Variants in VWC2 observed in about 807,000 individuals in gnomAD.
VWC2 encodes the protein von Willebrand factor C domain containing 2.
VWC2 carries 14 observed loss-of-function variants against 29.8 expected under a neutral mutation model. The ratio of observed to expected loss-of-function variants is 0.47; its 90% confidence interval spans 0.31 to 0.74. VWC2 has a LOEUF of 0.74. Among genes scored for constraint, VWC2 ranks in the 30% least tolerant of loss-of-function variants. VWC2 has a pLI of 0.05. For synonymous variants in VWC2, 213 were observed against 199.0 expected (o/e 1.07, Z -0.59); for missense variants, 457 against 459.8 (o/e 0.99, Z 0.05).
intron 3 of VWC2, among the ~76,000 whole-genome samples, chr7:49,820,269 C>T (rs1012044660): frequency 6.6e-6 from 1 of 152,080 alleles, no homozygotes; most frequent in Non-Finnish European, 1.5e-5. Context: ...GGCAACTTCT[C>T]CACACTCCAG....
chr7:49,917,635 C>T lies in VWC2; in HGVS notation c.*5450C>T, dbSNP rs572463035. On this transcript the variant is annotated 3_prime_UTR_variant, in exon 4 of 4. Coordinates refer to ENST00000340652, the MANE Select transcript of VWC2 (RefSeq NM_198570.5). The stretch of plus-strand genomic sequence containing the variant: ...CTAAACACAATTGCAAATATTGCGA[C>T]TTTAGTTTTTAATTCAATTTTCAGC... The T allele has an allele frequency of 6.6e-6, 1 of 152,144 alleles. No homozygotes were observed. Among genetic ancestry groups the T allele is most frequent in the African/African-American group, 2.4e-5 (1 of 41,528 alleles). 9.4% of individuals were successfully genotyped at this position (152,144 alleles called of 1,614,324 possible).
chr7:49,799,666 T>C (rs1788689682), intron 2 of VWC2, among the ~76,000 whole-genome samples: 1 of 152,234 alleles, frequency 6.6e-6, no homozygotes, highest in African/African-American at 2.4e-5. Context: ...AATACAATCA[T>C]GCATCACTAA....
chr7:49,816,265 G>A (rs952598356), intron 3 of VWC2, among the ~76,000 whole-genome samples: 1 of 152,206 alleles, frequency 6.6e-6, no homozygotes, highest in Non-Finnish European at 1.5e-5. Context: ...AGGGATTATA[G>A]GATGGAAATG....
intron 3 of VWC2, among the ~76,000 whole-genome samples, chr7:49,822,597 C>T (rs1583651387): frequency 6.6e-6 from 1 of 152,148 alleles, no homozygotes; most frequent in East Asian, 1.9e-4. Flanking sequence ...CACCACCACA[C>T]CCAGCTAGTT....
intron 3 of VWC2, among the ~76,000 whole-genome samples, chr7:49,829,547 AG>A (rs993987904): frequency 6.6e-5 from 10 of 152,208 alleles, no homozygotes; most frequent in African/African-American, 9.7e-5. Flanking sequence ...CTCATGGGAA[AG>A]GGCTGATGTT....
intron 3 of VWC2, among the ~76,000 whole-genome samples, chr7:49,805,419 A>T (rs569137694): frequency 8.2e-4 from 125 of 152,344 alleles, no homozygotes; most frequent in African/African-American, 2.2e-3. Flanking sequence ...TATTTTGGGG[A>T]GTATAACTGG....
intron 3 of VWC2, among the ~76,000 whole-genome samples, chr7:49,853,225 G>A (rs1462233776): frequency 1.3e-5 from 2 of 152,372 alleles, no homozygotes; most frequent in Non-Finnish European, 1.5e-5. Flanking sequence ...TCTTGCTGCC[G>A]TGTGGAGTGG....
chr7:49,774,340 G>A (rs571315073), intron 1 of VWC2, among the ~76,000 whole-genome samples: 3 of 152,222 alleles, frequency 2.0e-5, no homozygotes, highest in African/African-American at 7.2e-5. Context: ...GGAGGGCTGA[G>A]GGGGAGGGGA....
chr7:49,832,015 C>T (rs974274241), intron 3 of VWC2, among the ~76,000 whole-genome samples: 1 of 152,160 alleles, frequency 6.6e-6, no homozygotes, highest in Non-Finnish European at 1.5e-5. Flanking sequence ...GGAGGGGCAT[C>T]GGCTGCTCAG....
At chr7:49,854,075 T>C (rs1170378178) in intron 3 of VWC2, among the ~76,000 whole-genome samples, 1 of 152,092 alleles carries the variant, frequency 6.6e-6, no homozygotes, top group Non-Finnish European at 1.5e-5. Context: ...TAGTATTCCA[T>C]GGTGTATATG....
intron 2 of VWC2, among the ~76,000 whole-genome samples, chr7:49,782,881 G>A (rs572142138): frequency 1.1e-3 from 163 of 152,030 alleles, no homozygotes; most frequent in African/African-American, 3.8e-3. Context: ...AGAAAAAAAA[G>A]TGGATAGTAT....
Position 49,802,703 on chromosome 7 carries a change from T to C in VWC2, c.697-8T>C. 6.2e-7 allele frequency: 1 copy of C among 1,614,182 alleles called. No homozygotes were observed. The highest frequency in any genetic ancestry group is 8.5e-7 in the Non-Finnish European group (1 of 1,180,020). ...GGCTAAAGTGCTGATTGTGGGCTTG[T>C]GTTTCAGGTGTCTCCATGCGAGAGG... On this transcript the variant is annotated splice_polypyrimidine_tract_variant and splice_region_variant and intron_variant, in intron 2 of 3. Transcript: ENST00000340652.
At position 49,913,150 on chromosome 7, in the gene VWC2, TCTATC is replaced by T. The variant is rs1299084010; in HGVS notation, c.*968_*972del. 6.6e-6 allele frequency: 1 copy of T among 152,194 alleles called. No homozygotes were observed. The highest frequency in any genetic ancestry group is 1.5e-5 in the Non-Finnish European group (1 of 68,030). The allele number at this position is 152,194 out of a possible 1,614,324, so 9.4% of individuals were successfully genotyped here. Reference sequence around the variant, plus strand: ...CATATTTGTCATCAGACTTGAGTCATCTATCCTCCATAAACTACACAGTAAAATCT... The same window carrying T: ...CATATTTGTCATCAGACTTGAGTCATCTCCATAAACTACACAGTAAAATCT... On this transcript the variant is annotated 3_prime_UTR_variant, in exon 4 of 4. Transcript: ENST00000340652.
At chr7:49,882,598 G>A (rs1791716274) in intron 3 of VWC2, among the ~76,000 whole-genome samples, 1 of 152,006 alleles carries the variant, frequency 6.6e-6, no homozygotes, top group African/African-American at 2.4e-5. Context: ...GAGAGACAGA[G>A]ATAGTGAGTA....
intron 3 of VWC2, among the ~76,000 whole-genome samples, chr7:49,876,188 G>C (rs906140941): frequency 6.6e-6 from 1 of 152,152 alleles, no homozygotes; most frequent in Non-Finnish European, 1.5e-5. Context: ...ACCTTTAAGA[G>C]ACACAGGTTG....
intron 3 of VWC2, among the ~76,000 whole-genome samples, chr7:49,870,655 G>A (rs1050686086): frequency 1.5e-4 from 23 of 152,174 alleles, no homozygotes; most frequent in South Asian, 4.1e-4. Context: ...CAGGAAGGCC[G>A]AAAAGGGCTC....
chr7:49,890,695 G>A (rs1322598212), intron 3 of VWC2, among the ~76,000 whole-genome samples: 1 of 148,950 alleles, frequency 6.7e-6, no homozygotes, highest in Non-Finnish European at 1.5e-5. Flanking sequence ...AAATCTAAGG[G>A]ATAGAATGCA....
At chr7:49,881,245 T>G (rs1791650048) in intron 3 of VWC2, among the ~76,000 whole-genome samples, 1 of 152,136 alleles carries the variant, frequency 6.6e-6, no homozygotes, top group Non-Finnish European at 1.5e-5. Context: ...AGTCCCAGCT[T>G]TCCAGTTCTT....
chr7:49,859,150 G>A (rs528057472), intron 3 of VWC2, among the ~76,000 whole-genome samples: 17 of 152,260 alleles, frequency 1.1e-4, no homozygotes, highest in Middle Eastern at 3.4e-3. Context: ...TGTCTTCAAC[G>A]TTACTCAGCA....
Sources: gnomAD v4.1 joint callset for allele counts (sites outside exome capture counted in the v4.1 genomes callset) on GRCh38, gnomAD v4.1.1 for gene constraint, MANE v1.5 for transcripts, NCBI Gene and HGNC (gene_info 2026-07-23, HGNC 2026-07-21) for gene names.